The following MAP3K6 variants were observed in gnomAD, a reference collection of about 807,000 sequenced individuals.
The protein encoded by MAP3K6 is apoptosis signal-regulating kinase 2.
In MAP3K6, 105 loss-of-function variants were observed where a neutral mutation model predicts 147.1. That is an observed-to-expected ratio of 0.71 (90% CI 0.61 to 0.84). The LOEUF is 0.84. Ranked by LOEUF, MAP3K6 falls within the 40% of genes least tolerant of loss-of-function variation. MAP3K6 has a pLI of 0.00. For synonymous variants in MAP3K6, 695 were observed against 732.4 expected, an observed-to-expected ratio of 0.95 and a Z score of 0.82; for missense variants, 1,569 against 1,715.0, an observed-to-expected ratio of 0.91 and a Z score of 1.50.
intron 24 of MAP3K6, 129 bp downstream of exon 24, chr1:27,356,880 T>A: frequency 7.1e-7 from 1 of 1,410,226 alleles, no homozygotes; most frequent in Non-Finnish European, 9.6e-7. Context: ...GATGTCCATT[T>A]AGTCACGCCC....
Position 27,364,452 on chromosome 1 carries a change from G to A in MAP3K6, c.505-58C>T. On this transcript the variant is annotated intron_variant, in intron 3 of 28. Transcript: ENST00000357582. This position sits in a 1 kb window ranked among gnomAD's most constrained non-coding sequence, Gnocchi z 4.4. The stretch of plus-strand genomic sequence containing the variant: ...AGAGGTCAGCACAGGGCTAGACAAG[G>A]GGAGTGAGAGCATCAAAGGTCAGCA... The A allele has an allele frequency of 6.3e-7, 1 of 1,592,004 alleles. No homozygotes were observed. Among genetic ancestry groups the A allele is most frequent in the Non-Finnish European group, 8.6e-7 (1 of 1,161,856 alleles).
Position 27,360,506 on chromosome 1 carries a change from G to T in MAP3K6, c.2055-138C>A. 1 of 1,118,452 alleles carries T rather than the reference G, an allele frequency of 8.9e-7. No homozygotes were observed. The highest frequency in any genetic ancestry group is 1.1e-6 in the Non-Finnish European group (1 of 870,692). The allele number at this position is 1,118,452 out of a possible 1,614,324, so 69.3% of individuals were successfully genotyped here. On this transcript the variant is annotated intron_variant, in intron 15 of 28. Transcript: ENST00000357582. This position sits in a 1 kb window ranked among gnomAD's most constrained non-coding sequence, Gnocchi z 4.5. ...CGACCTTCCCCACCCTTACTACCCT[G>T]CCCACAGGACCCTCCAGACCTCAAT... is the stretch of plus-strand genomic sequence containing the variant.
rs751719605 is a variant in MAP3K6 at position 27,360,343 on chromosome 1, T to A, written c.2080A>T (p.Ile694Phe). The A allele has an allele frequency of 4.2e-5, 67 of 1,613,640 alleles. No homozygotes were observed. The East Asian group carries it at 1.5e-3, about 35-fold the overall frequency. Residue 694 changes from isoleucine to phenylalanine, a missense_variant, in exon 16 of 29, where the codon ATC becomes TTC. Transcript: ENST00000357582. The surrounding 1 kb of genome is among the most constrained non-coding windows in gnomAD (Gnocchi z 4.5). ...SRFSQPLHEE[I>F]ALHRRLRHKN... ...TGGCGCAGGCGTCTGTGAAGAGCGA[T>A]CTCTTCATGCAGGGGCTGAGAGAAC...
rs2015511780 is a variant in MAP3K6, at chr1:27,356,107, G to T, written c.3638-8C>A. 1 of 1,613,732 alleles carries T rather than the reference G, an allele frequency of 6.2e-7. No individual in the cohort carries two copies. ...GGTCCGTTGAAAGAGCAGCTGTCAA[G>T]AAGCAGTCAGGTGATGAGCCCAAGA... is the stretch of plus-strand genomic sequence containing the variant. On this transcript the variant is annotated splice_polypyrimidine_tract_variant and splice_region_variant and intron_variant, in intron 26 of 28. Transcript: ENST00000357582.
In MAP3K6 at chr1:27,358,396, C is replaced by T; in HGVS notation, c.2776+23G>A. ...CACAACTCCTCTGCCCTCCACTGTG[C>T]CCATCCCGCCACCCGCAAGCACCTG... is the stretch of plus-strand genomic sequence containing the variant. On this transcript the variant is annotated intron_variant, in intron 20 of 28. Coordinates refer to ENST00000357582, the MANE Select transcript of MAP3K6 (RefSeq NM_004672.5). The surrounding 1 kb of genome is among the most constrained non-coding windows in gnomAD (Gnocchi z 6.2). The T allele has an allele frequency of 6.3e-7, 1 of 1,583,264 alleles. No individual in the cohort carries two copies.
Position 27,360,588 on chromosome 1 carries a change from T to G in MAP3K6, c.2054+117A>C. ...CGGGCCCAGTCCACAGGGCTCGAAC[T>G]CTCAGGTCCTACGAGCCCGCCCACT... is the stretch of plus-strand genomic sequence containing the variant. On this transcript the variant is annotated intron_variant, in intron 15 of 28. Coordinates refer to ENST00000357582, the MANE Select transcript of MAP3K6 (RefSeq NM_004672.5). This position sits in a 1 kb window ranked among gnomAD's most constrained non-coding sequence, Gnocchi z 4.5. The G allele has an allele frequency of 6.9e-7, 1 of 1,448,092 alleles. No individual in the cohort carries two copies. The highest frequency in any genetic ancestry group is 1.4e-5 in the South Asian group (1 of 72,898). The allele number at this position is 1,448,092 out of a possible 1,614,324, so 89.7% of individuals were successfully genotyped here.
In MAP3K6 at chr1:27,366,530, A is replaced by C; in HGVS notation, c.68T>G (p.Val23Gly). The C allele has an allele frequency of 9.1e-7, 1 of 1,100,530 alleles. No individual in the cohort carries two copies. The highest frequency in any genetic ancestry group is 1.7e-5 in the African/African-American group (1 of 59,898). The allele number at this position is 1,100,530 out of a possible 1,614,324, so 68.2% of individuals were successfully genotyped here. Residue 23 changes from valine to glycine, a missense_variant, in exon 1 of 29, where the codon GTG (valine) becomes GGG (glycine). Transcript: ENST00000357582. This position sits in a 1 kb window ranked among gnomAD's most constrained non-coding sequence, Gnocchi z 5.5. ...GAGCTGCCGGCCCCGGCTCAGCGCCACGGCCAGCGGGTCCTGCCAGCAGCT... is the reference window on the plus strand; with the variant it reads ...GAGCTGCCGGCCCCGGCTCAGCGCCCCGGCCAGCGGGTCCTGCCAGCAGCT... ...AGSCWQDPLA[V>G]ALSRGRQLAA...
rs747602756 is a variant in MAP3K6 at position 27,361,714 on chromosome 1, G to T, written c.1569C>A (p.Asp523Glu). 2.5e-6 allele frequency: 4 copies of T among 1,613,498 alleles called. No homozygotes were observed. The Admixed American group carries it at 6.7e-5, about 27-fold the overall frequency. ...CCCCTACAGGCCTCACCAAGCACTGGTCGCCCTGGGCACAGGCTGTCTTGA... is the reference window on the plus strand; with the variant it reads ...CCCCTACAGGCCTCACCAAGCACTGTTCGCCCTGGGCACAGGCTGTCTTGA... ...QPFKTACAQG[D>E]QCLVLVLEMN... is the part of the protein sequence containing the mutation. Residue 523 changes from aspartate (D) to glutamate (E), a missense_variant, in exon 10 of 29, where the codon GAC becomes GAA. Transcript: ENST00000357582.
rs1385662761 is a variant in MAP3K6, at chr1:27,355,350, A to G, written c.*41T>C. 13 of 1,568,952 alleles carry G rather than the reference A, an allele frequency of 8.3e-6. No individual in the cohort carries two copies. The highest frequency in any genetic ancestry group is 2.2e-5 in the East Asian group (1 of 44,648). On this transcript the variant is annotated 3_prime_UTR_variant, in exon 29 of 29. Transcript: ENST00000357582. ...CTGCCTTTGTCCTCTCCATTCATCC[A>G]TCCTTGGGCCTGTCTGGCCTATGAT...
At position 27,364,629 on chromosome 1, in the gene MAP3K6, G is replaced by A; in HGVS notation, c.504+32C>T. 1 of 1,614,122 alleles carries A rather than the reference G, an allele frequency of 6.2e-7. No individual in the cohort carries two copies. The highest frequency in any genetic ancestry group is 8.5e-7 in the Non-Finnish European group (1 of 1,179,962). ...CAGAGGTCATAGCGGAAGTCAAAGG[G>A]CACTTTTGAGTGAGAGGTGGATTCT... On this transcript the variant is annotated intron_variant, in intron 3 of 28. Coordinates refer to ENST00000357582, the MANE Select transcript of MAP3K6 (RefSeq NM_004672.5). This position sits in a 1 kb window ranked among gnomAD's most constrained non-coding sequence, Gnocchi z 4.4.
In MAP3K6 at chr1:27,356,640, GC is replaced by G. The variant is rs1246041957; in HGVS notation, c.3473del (p.Gly1158AlafsTer5). ...TCAGCTGCACCATCAGAGGAGCGGG[GC>G]CCTGCTCGGGCTCCACCGGAAGCGG... ...QSPLPVEPEQ[G>X]PAPLMVQLSL... On this transcript the variant is annotated frameshift_variant, in exon 25 of 29. Coordinates refer to ENST00000357582, the MANE Select transcript of MAP3K6 (RefSeq NM_004672.5). LOFTEE classifies it high-confidence loss of function. 6.2e-7 allele frequency: 1 copy of G among 1,612,434 alleles called. No homozygotes were observed. Among genetic ancestry groups the G allele is most frequent in the Non-Finnish European group, 8.5e-7 (1 of 1,179,128 alleles).
Position 27,358,321 on chromosome 1 carries a change from T to A in MAP3K6, c.2777-2A>T. 3 of 1,607,858 alleles carry A rather than the reference T, an allele frequency of 1.9e-6. No individual in the cohort carries two copies. The highest frequency in any genetic ancestry group is 2.5e-6 in the Non-Finnish European group (3 of 1,178,286). ...GAGTGGGACTGGCAGAAGGGGCATCTGAGGGAGGGACAGAGCCATCAGCTG... is the reference window on the plus strand; with the variant it reads ...GAGTGGGACTGGCAGAAGGGGCATCAGAGGGAGGGACAGAGCCATCAGCTG... On this transcript the variant is annotated splice_acceptor_variant, in intron 20 of 28. Coordinates refer to ENST00000357582, the MANE Select transcript of MAP3K6 (RefSeq NM_004672.5). LOFTEE classifies it high-confidence loss of function. The surrounding 1 kb of genome is among the most constrained non-coding windows in gnomAD (Gnocchi z 6.2).
intron 1 of MAP3K6, 108 bp from the exon 2 acceptor site, chr1:27,365,020 C>T: frequency 8.1e-7 from 1 of 1,242,168 alleles, no homozygotes; most frequent in Non-Finnish European, 1.1e-6. Flanking sequence ...CCAGTAGGGT[C>T]TGGTTCTGCT....
chr1:27,363,682 A>T, intron 5 of MAP3K6, 134 bp from the exon 6 acceptor site: 1 of 799,190 alleles, frequency 1.3e-6, no homozygotes, highest in Non-Finnish European at 2.0e-6. Context: ...CCCAGCGGAC[A>T]CACCTCACAG....
rs1057262650 is a variant in MAP3K6 at position 27,366,295 on chromosome 1, T to C, written c.303A>G (p.Leu101=). ...AGGCATCCAGAGCCGCGGTGTCGCC[T>C]AGCTCCAGCGTCCCGAAGGGCAGGC... is the stretch of plus-strand genomic sequence containing the variant. ...LRSLPFGTLE[L]GDTAALDAFY... is the part of the protein sequence containing the mutation. The change falls in exon 1 of 29, where the codon CTA becomes CTG. Residue 101 remains leucine, a synonymous_variant. Coordinates refer to ENST00000357582, the MANE Select transcript of MAP3K6 (RefSeq NM_004672.5). This position sits in a 1 kb window ranked among gnomAD's most constrained non-coding sequence, Gnocchi z 5.5. The C allele has an allele frequency of 3.8e-6, 5 of 1,332,968 alleles. No individual in the cohort carries two copies. The highest frequency in any genetic ancestry group is 3.8e-6 in the Non-Finnish European group (4 of 1,042,906). 82.6% of individuals were successfully genotyped at this position (1,332,968 alleles called of 1,614,324 possible). A position where few individuals can be genotyped will look rare whatever the true frequency, so the allele number is the denominator to read the frequency against.
Position 27,358,453 on chromosome 1 carries a change from G to A in MAP3K6, c.2742C>T (p.Ser914=). The A allele has an allele frequency of 6.3e-7, 1 of 1,594,844 alleles. No individual in the cohort carries two copies. Among genetic ancestry groups the A allele is most frequent in the South Asian group, 1.1e-5 (1 of 88,764 alleles). The change falls in exon 20 of 29, where the codon AGC becomes AGT. Residue 914 remains serine, a synonymous_variant. Transcript: ENST00000357582. This position sits in a 1 kb window ranked among gnomAD's most constrained non-coding sequence, Gnocchi z 6.2. ...PFLQPGKRSR[S]PSSPRHAPRP... ...GTGGAGCATGTCGTGGGGAGCTGGG[G>A]CTGCGGCTCCTTTTCCCAGGCTGCA...
At position 27,361,710 on chromosome 1, in the gene MAP3K6, A is replaced by G; in HGVS notation, c.1573T>C (p.Cys525Arg). ...ACCACCCCTACAGGCCTCACCAAGC[A>G]CTGGTCGCCCTGGGCACAGGCTGTC... ...FKTACAQGDQ[C>R]LVLVLEMNKV... Residue 525 changes from cysteine to arginine, a missense_variant, in exon 10 of 29, where the codon TGC becomes CGC. Cys to Arg is a radical substitution (Grantham distance 180). Transcript: ENST00000357582. 3 of 1,613,544 alleles carry G rather than the reference A, an allele frequency of 1.9e-6. No homozygotes were observed. Among genetic ancestry groups the G allele is most frequent in the Non-Finnish European group, 2.5e-6 (3 of 1,179,652 alleles).
chr1:27,363,563 G>A lies in MAP3K6; in HGVS notation c.865-15C>T, dbSNP rs767157109. 1.6e-5 allele frequency: 26 copies of A among 1,580,536 alleles called. No homozygotes were observed. The highest frequency in any genetic ancestry group is 9.1e-5 in the South Asian group (8 of 87,694). Reference sequence around the variant, plus strand: ...GCCGAGTAGTCCTGCATCAGGGAACGGCAAGCACTGGCATCATGGGCCTCC... The same window carrying A: ...GCCGAGTAGTCCTGCATCAGGGAACAGCAAGCACTGGCATCATGGGCCTCC... On this transcript the variant is annotated splice_polypyrimidine_tract_variant and intron_variant, in intron 5 of 28. Coordinates refer to ENST00000357582, the MANE Select transcript of MAP3K6 (RefSeq NM_004672.5).
chr1:27,358,735 C>T lies in MAP3K6; in HGVS notation c.2557G>A (p.Gly853Arg), dbSNP rs139507949. The T allele has an allele frequency of 1.2e-5, 20 of 1,613,808 alleles. No individual in the cohort carries two copies. Among genetic ancestry groups the T allele is most frequent in the East Asian group, 2.2e-5 (1 of 44,890 alleles). The part of the protein sequence containing the change: ...ATGRPPFHEL[G>R]SPQAAMFQVG... ...TGAAACATGGCAGCCTGTGGGCTCC[C>T]GAGCTCGTGGAAGGGGGGGCGACCT... is the stretch of plus-strand genomic sequence containing the variant. Residue 853 changes from glycine (G) to arginine (R), a missense_variant, in exon 19 of 29, where the codon GGG (glycine) becomes AGG (arginine). Transcript: ENST00000357582. The surrounding 1 kb of genome is among the most constrained non-coding windows in gnomAD (Gnocchi z 6.2).
Sources: allele counts gnomAD v4.1 joint callset, GRCh38; gene constraint gnomAD v4.1.1; non-coding constraint Gnocchi (gnomAD v3.1); transcripts MANE v1.5; gene names NCBI Gene and HGNC (gene_info 2026-07-23, HGNC 2026-07-21).